DPYSL2: variants seen among roughly 807,000 people sequenced by gnomAD.
DPYSL2 encodes the protein dihydropyrimidinase like 2.
Under a neutral mutation model 69.9 loss-of-function variants are expected in DPYSL2, and 13 were observed. That is an observed-to-expected ratio of 0.19 (90% CI 0.12 to 0.30). The LOEUF is 0.30. Ranked by LOEUF, DPYSL2 falls within the 10% of genes least tolerant of loss-of-function variation. The pLI is 1.00. For missense variants in DPYSL2, 587 were observed against 918.9 expected (o/e 0.64, Z 4.67); for synonymous variants, 326 against 359.1 (o/e 0.91, Z 1.04).
intron 1 of DPYSL2, among the ~76,000 whole-genome samples, chr8:26,572,691 G>A (rs1452440619): frequency 6.6e-6 from 1 of 152,056 alleles, no homozygotes; most frequent in African/African-American, 2.4e-5. Flanking sequence ...GTAGAGATGG[G>A]GTTTCTCCAT....
intron 3 of DPYSL2, among the ~76,000 whole-genome samples, chr8:26,589,537 A>C (rs1324866350): frequency 6.6e-6 from 1 of 152,224 alleles, no homozygotes; most frequent in Non-Finnish European, 1.5e-5. Flanking sequence ...TTAGTGTCAC[A>C]AGGAGGGAGG....
In DPYSL2 at chr8:26,652,355, T is replaced by A. The variant is rs150919651; in HGVS notation, c.1695T>A (p.His565Gln). 1.9e-6 allele frequency: 3 copies of A among 1,614,246 alleles called. No homozygotes were observed. Among genetic ancestry groups the A allele is most frequent in the Non-Finnish European group, 2.5e-6 (3 of 1,180,044 alleles). Residue 565 changes from histidine (H) to glutamine (Q), a missense_variant, in exon 12 of 14, where the codon CAT (histidine) becomes CAA (glutamine). His to Gln is a conservative substitution (Grantham distance 24). Transcript: ENST00000521913. This position sits in a 1 kb window ranked among gnomAD's most constrained non-coding sequence, Gnocchi z 6.3. ...TTGTCCTGGAGGACGGCACCCTGCA[T>A]GTCACCGAAGGCTCTGGACGCTACA... ...GKIVLEDGTLHVTEGSGRYIP... is the reference protein window; with the variant it reads ...GKIVLEDGTLQVTEGSGRYIP...
Position 26,654,900 on chromosome 8 carries a change from G to C in DPYSL2, c.1943-715G>C, listed in dbSNP as rs1253317043. Among the ~76,000 whole-genome samples, 1 of 152,112 alleles carries C rather than the reference G, an allele frequency of 6.6e-6. No homozygotes were observed. Among genetic ancestry groups the C allele is most frequent in the East Asian group, 1.9e-4 (1 of 5,190 alleles). ...CCCAGTACCCAGGCTAGAGTGCAGT[G>C]GTGCAATCACAGCTCACTGCAGCCT... On this transcript the variant is annotated intron_variant, in intron 13 of 13. Transcript: ENST00000521913. This position sits in a 1 kb window ranked among gnomAD's most constrained non-coding sequence, Gnocchi z 5.0.
chr8:26,532,515 C>G (rs1800524979), intron 1 of DPYSL2, among the ~76,000 whole-genome samples: 1 of 152,164 alleles, frequency 6.6e-6, no homozygotes, highest in African/African-American at 2.4e-5. Context: ...ACCCAGTAAA[C>G]AGTCGCTATC....
At chr8:26,622,542 G>A (rs956670269) in intron 3 of DPYSL2, among the ~76,000 whole-genome samples, 1 of 149,808 alleles carries the variant, frequency 6.7e-6, no homozygotes, top group South Asian at 2.1e-4. Context: ...TTGCTCTGTT[G>A]CCCTGGCTGG....
In DPYSL2 at chr8:26,643,462, A is replaced by G; in HGVS notation, c.1150A>G (p.Ile384Val). ...AGGAACTGTGGTGTATGGCGAGCCCATCACTGCCAGCTTGGGAACGGACGG... is the reference window on the plus strand; with the variant it reads ...AGGAACTGTGGTGTATGGCGAGCCCGTCACTGCCAGCTTGGGAACGGACGG... Reference protein sequence around the residue: ...KKGTVVYGEPITASLGTDGSH... With the variant: ...KKGTVVYGEPVTASLGTDGSH... The change falls in exon 9 of 14, where the codon ATC becomes GTC. Residue 384 changes from isoleucine (I) to valine (V), a missense_variant. By Grantham distance (29) the Ile-to-Val change is conservative. Around this residue, in one of 3 missense-constraint regions of DPYSL2, gnomAD observed 452 missense variants for 754.3 expected, o/e 0.60. Transcript: ENST00000521913. This position sits in a 1 kb window ranked among gnomAD's most constrained non-coding sequence, Gnocchi z 6.5. The G allele has an allele frequency of 6.2e-7, 1 of 1,604,648 alleles. No individual in the cohort carries two copies. Among genetic ancestry groups the G allele is most frequent in the Non-Finnish European group, 8.5e-7 (1 of 1,175,320 alleles).
rs1042303899 is a variant in DPYSL2 at position 26,605,641 on chromosome 8, A to G, written c.629-18502A>G. Among the ~76,000 whole-genome samples the G allele has an allele frequency of 2.6e-5, 4 of 152,216 alleles. No individual in the cohort carries two copies. Among genetic ancestry groups the G allele is most frequent in the African/African-American group, 9.6e-5 (4 of 41,462 alleles). Reference sequence around the variant, plus strand: ...TCTAAGAAGAAAGTTTATGAAGATGACTGACTTAAAAATAATGTATTAAAA... The same window carrying G: ...TCTAAGAAGAAAGTTTATGAAGATGGCTGACTTAAAAATAATGTATTAAAA... On this transcript the variant is annotated intron_variant, in intron 3 of 13. Transcript: ENST00000521913. This position sits in a 1 kb window ranked among gnomAD's most constrained non-coding sequence, Gnocchi z 4.1.
chr8:26,642,627 G>T lies in DPYSL2; in HGVS notation c.1127-812G>T, dbSNP rs1384561631. Among the ~76,000 whole-genome samples, 5 of 152,174 alleles carry T rather than the reference G, an allele frequency of 3.3e-5. No homozygotes were observed. The highest frequency in any genetic ancestry group is 9.7e-5 in the African/African-American group (4 of 41,434). On this transcript the variant is annotated intron_variant, in intron 8 of 13. Transcript: ENST00000521913. This position sits in a 1 kb window ranked among gnomAD's most constrained non-coding sequence, Gnocchi z 5.3. ...GATTTAAGGAACGATTGTATTGAAG[G>T]CACTAAGGTATTGGCATTCAGCGAA...
chr8:26,546,921 C>CA lies in DPYSL2; in HGVS notation c.354+32272dup, dbSNP rs61360009. ...TGGGCGACTGAGGGAGACTCAGTCT[C>CA]AAAAAAAAAAAAAAAAAAAAAAAAA... On this transcript the variant is annotated intron_variant, in intron 1 of 13. Transcript: ENST00000521913. Among the ~76,000 whole-genome samples the CA allele has an allele frequency of 5.0e-3, 233 of 46,198 alleles. 22 individuals are homozygous for CA. Among genetic ancestry groups the CA allele is most frequent in the African/African-American group, 0.017 (152 of 8,882 alleles). The allele number at this position is 46,198 out of a possible 152,430, so 30.3% of individuals were successfully genotyped here.
intron 7 of DPYSL2, among the ~76,000 whole-genome samples, chr8:26,629,957 GCACA>G (rs1802722497): frequency 1.4e-5 from 2 of 144,984 alleles, no homozygotes; most frequent in South Asian, 4.4e-4. Flanking sequence ...ACACACACGT[GCACA>G]CACTCACGTT....
chr8:26,579,419 T>C (rs1395570843), intron 1 of DPYSL2, among the ~76,000 whole-genome samples: 1 of 152,242 alleles, frequency 6.6e-6, no homozygotes, highest in African/African-American at 2.4e-5. Context: ...TTCATTGTTA[T>C]ATAAGGATGT....
chr8:26,632,568 G>A (rs574898958), intron 7 of DPYSL2, among the ~76,000 whole-genome samples: 220 of 152,322 alleles, frequency 1.4e-3, no homozygotes, highest in Non-Finnish European at 2.4e-3. Context: ...GATAGGCGTA[G>A]TGGCTTGTAC....
intron 11 of DPYSL2, among the ~76,000 whole-genome samples, chr8:26,649,976 G>A (rs1430592994): frequency 6.6e-6 from 1 of 152,118 alleles, no homozygotes; most frequent in African/African-American, 2.4e-5. Context: ...GGTCTTCTAG[G>A]TGCTCATTTA....
intron 3 of DPYSL2, among the ~76,000 whole-genome samples, chr8:26,612,035 G>A (rs1802240979): frequency 6.6e-6 from 1 of 152,236 alleles, no homozygotes; most frequent in Non-Finnish European, 1.5e-5. Context: ...TCATGTGGTT[G>A]TAAAATTGTC....
At position 26,657,612 on chromosome 8, in the gene DPYSL2, C is replaced by CT. The variant is rs1383220327; in HGVS notation, c.*1913dup. On this transcript the variant is annotated 3_prime_UTR_variant, in exon 14 of 14. Transcript: ENST00000521913. ...ATAATTGGTTGACTTAATATATTTG[C>CT]TTTTTTTCTCACCTGCACTTAGAGG... 10 of 152,448 alleles carry CT rather than the reference C, an allele frequency of 6.6e-5. No individual in the cohort carries two copies. The highest frequency in any genetic ancestry group is 6.6e-5 in the Admixed American group (1 of 15,264). The allele number at this position is 152,448 out of a possible 1,614,324, so 9.4% of individuals were successfully genotyped here.
rs13277175 is a variant in DPYSL2, at chr8:26,640,497, G to T, written c.1127-2942G>T. On this transcript the variant is annotated intron_variant, in intron 8 of 13. Transcript: ENST00000521913. This position sits in a 1 kb window ranked among gnomAD's most constrained non-coding sequence, Gnocchi z 4.2. ...GCAGTTCAAGGGTGTCTGTGGCCTGGCTGAGCTCCGGAAGTGCATCCACAG... is the reference window on the plus strand; with the variant it reads ...GCAGTTCAAGGGTGTCTGTGGCCTGTCTGAGCTCCGGAAGTGCATCCACAG... Among the ~76,000 whole-genome samples the T allele has an allele frequency of 0.5, 75,998 of 151,976 alleles. 20,599 individuals are homozygous for T. The highest frequency in any genetic ancestry group is 0.7 in the East Asian group (3,607 of 5,154).
intron 1 of DPYSL2, chr8:26,578,320 G>T (rs780998156): frequency 3.7e-6 from 6 of 1,613,964 alleles, no homozygotes; most frequent in Non-Finnish European, 4.2e-6. Flanking sequence ...GGAAATCTGC[G>T]GTCGGCCAGC....
At position 26,644,298 on chromosome 8, in the gene DPYSL2, C is replaced by CT. The variant is rs149786991; in HGVS notation, c.1425+212dup. Among the ~76,000 whole-genome samples, 2,249 of 152,232 alleles carry CT rather than the reference C, an allele frequency of 0.015. 51 individuals carry two copies. Among genetic ancestry groups the CT allele is most frequent in the East Asian group, 0.068 (352 of 5,182 alleles). On this transcript the variant is annotated intron_variant, in intron 10 of 13. Coordinates refer to ENST00000521913, the MANE Select transcript of DPYSL2 (RefSeq NM_001197293.3). This position sits in a 1 kb window ranked among gnomAD's most constrained non-coding sequence, Gnocchi z 4.5. ...CTTCCTAAATATTACATATATATTT[C>CT]TTTTTAAAACAATTTTTAAATTTTT...
chr8:26,534,148 C>T (rs537800029), intron 1 of DPYSL2, among the ~76,000 whole-genome samples: 7 of 152,232 alleles, frequency 4.6e-5, no homozygotes, highest in African/African-American at 7.2e-5. Flanking sequence ...TACCAGACAC[C>T]GTGCTAAGCC....
Sources: allele counts gnomAD v4.1 joint callset (sites outside exome capture counted in the v4.1 genomes callset), GRCh38; gene constraint gnomAD v4.1.1; regional missense constraint gnomAD v4.1.1; non-coding constraint Gnocchi (gnomAD v3.1); transcripts MANE v1.5; gene names NCBI Gene and HGNC (gene_info 2026-07-23, HGNC 2026-07-21).